Variants in FBXO34 observed in about 807,000 individuals in gnomAD.
FBXO34 encodes F-box only protein 34.
FBXO34 carries 12 observed loss-of-function variants against 24.5 expected under a neutral mutation model. That is an observed-to-expected ratio of 0.49 (90% CI 0.31 to 0.79). The LOEUF is 0.79. Ranked by LOEUF, FBXO34 falls within the 30% of genes least tolerant of loss-of-function variation. FBXO34 has a pLI of 0.04. For missense variants in FBXO34, 823 were observed against 857.7 expected (o/e 0.96, Z 0.51); for synonymous variants, 320 against 311.9 (o/e 1.03, Z -0.27).
chr14:55,298,660 G>T (rs1006015830), intron 1 of FBXO34: 7 of 1,527,650 alleles, frequency 4.6e-6, no homozygotes, highest in East Asian at 4.7e-5. Context: ...GGGGCTGGAG[G>T]GGGTAAGGCC....
chr14:55,428,348 C>G, the FBXO34 span, among the ~76,000 whole-genome samples: 1 of 151,950 alleles, frequency 6.6e-6, no homozygotes, highest in African/African-American at 2.4e-5. Context: ...CCAGGATGGT[C>G]TCGATCTCCT....
chr14:55,347,236 C>T (rs941314404), intron 1 of FBXO34, among the ~76,000 whole-genome samples: 7 of 152,182 alleles, frequency 4.6e-5, no homozygotes, highest in Non-Finnish European at 1.0e-4. Context: ...CTTTACCCCA[C>T]CCATGCCTGC....
At chr14:55,380,394 A>G in the FBXO34 span, among the ~76,000 whole-genome samples, 1 of 152,244 alleles carries the variant, frequency 6.6e-6, no homozygotes, top group African/African-American at 2.4e-5. Flanking sequence ...GTACAACTGT[A>G]AGATAATGAA....
At chr14:55,285,883 A>G (rs1272259683) in intron 1 of FBXO34, among the ~76,000 whole-genome samples, 3 of 152,178 alleles carry the variant, frequency 2.0e-5, no homozygotes, top group African/African-American at 7.2e-5. Context: ...TAAAAGTGTT[A>G]AGATTTTGGA....
At chr14:55,277,765 G>A (rs1881392536) in intron 1 of FBXO34, among the ~76,000 whole-genome samples, 3 of 152,138 alleles carry the variant, frequency 2.0e-5, no homozygotes, top group African/African-American at 4.8e-5. Flanking sequence ...TATCCAAGTC[G>A]TGCCTACATT....
At chr14:55,323,218 A>AAAAAAATATAT (rs1566555819) in intron 1 of FBXO34, among the ~76,000 whole-genome samples, 1 of 31,626 alleles carries the variant, frequency 3.2e-5, no homozygotes, top group Non-Finnish European at 4.2e-5. Context: ...AAAAAAAAAA[A>AAAAAAATATAT]ATATATATTT....
chr14:55,297,887 G>T (rs1437686415), intron 1 of FBXO34, among the ~76,000 whole-genome samples: 1 of 152,188 alleles, frequency 6.6e-6, no homozygotes, highest in Non-Finnish European at 1.5e-5. Flanking sequence ...ATCTTAGGAT[G>T]TTAGGGAAGC....
At chr14:55,301,334 G>T (rs1446154576) in intron 1 of FBXO34, among the ~76,000 whole-genome samples, 1 of 152,132 alleles carries the variant, frequency 6.6e-6, no homozygotes, top group East Asian at 1.9e-4. Flanking sequence ...CTACTCGGGA[G>T]GCTGAGGTGG....
At chr14:55,275,814 ACT>A (rs1881317871) in intron 1 of FBXO34, among the ~76,000 whole-genome samples, 1 of 115,234 alleles carries the variant, frequency 8.7e-6, no homozygotes, top group African/African-American at 4.0e-5. Context: ...ACAGAGCGAG[ACT>A]CTGTCTCAAA....
downstream of FBXO34, among the ~76,000 whole-genome samples, chr14:55,362,463 A>G (rs193108761): frequency 3.8e-3 from 578 of 152,348 alleles, 4 homozygotes; most frequent in Admixed American, 7.8e-3. Context: ...CAGGGTTATC[A>G]CAAACCTTCA....
chr14:55,419,257 G>A, the FBXO34 span, among the ~76,000 whole-genome samples: 2 of 152,206 alleles, frequency 1.3e-5, no homozygotes, highest in Admixed American at 1.3e-4. Flanking sequence ...TTACTAAGCC[G>A]TTCCATTTTA....
chr14:55,303,663 A>T (rs74502136), intron 1 of FBXO34, among the ~76,000 whole-genome samples: 7,398 of 142,336 alleles, frequency 0.052, 246 homozygotes, highest in South Asian at 0.084. Context: ...CTTTCTTTTT[A>T]AAAAAAAAAC....
chr14:55,402,007 C>CACTCT, the FBXO34 span, among the ~76,000 whole-genome samples: 1 of 152,184 alleles, frequency 6.6e-6, no homozygotes, highest in Admixed American at 6.5e-5. Flanking sequence ...CTCTGTTCCC[C>CACTCT]GGCTACAATC....
chr14:55,366,733 A>G (rs1430168123), downstream of FBXO34: 2 of 152,642 alleles, frequency 1.3e-5, no homozygotes, highest in Non-Finnish European at 2.9e-5. Flanking sequence ...ACTTTGTTTC[A>G]GTAAATCATT....
At chr14:55,298,320 G>A (rs964623771) in intron 1 of FBXO34, among the ~76,000 whole-genome samples, 1 of 151,804 alleles carries the variant, frequency 6.6e-6, no homozygotes, top group East Asian at 1.9e-4. Context: ...GGACACCCCT[G>A]GTGTAGTGGT....
chr14:55,283,552 C>T (rs1881635285), intron 1 of FBXO34, among the ~76,000 whole-genome samples: 2 of 151,586 alleles, frequency 1.3e-5, no homozygotes, highest in South Asian at 4.2e-4. Flanking sequence ...GCAACCTCCA[C>T]CCCCTGGGTT....
At chr14:55,298,533 CCTA>C (rs1882220084) in intron 1 of FBXO34, 1 of 615,850 alleles carries the variant, frequency 1.6e-6, no homozygotes, top group Non-Finnish European at 2.9e-6. Flanking sequence ...CTACATTTGA[CCTA>C]CTTCTTGTCC....
downstream of FBXO34, among the ~76,000 whole-genome samples, chr14:55,364,592 T>G (rs113299890): frequency 6.6e-6 from 1 of 150,836 alleles, no homozygotes; most frequent in African/African-American, 2.4e-5. Context: ...ACCTGGCTAA[T>G]TTTTTTTTGT....
chr14:55,332,169 C>A (rs1883617515), intron 1 of FBXO34, among the ~76,000 whole-genome samples: 1 of 150,880 alleles, frequency 6.6e-6, no homozygotes, highest in African/African-American at 2.4e-5. Context: ...CAACTGGAAT[C>A]TTTGATCACA....
Sources: allele counts gnomAD v4.1 joint callset (sites outside exome capture counted in the v4.1 genomes callset), GRCh38; gene constraint gnomAD v4.1.1; transcripts MANE v1.5; gene names NCBI Gene and HGNC (gene_info 2026-07-23, HGNC 2026-07-21).